Variants in AIG1 observed in about 807,000 individuals in gnomAD.
AIG1 encodes androgen-induced gene 1 protein.
In AIG1, 23 loss-of-function variants were observed where a neutral mutation model predicts 31.4. The ratio of observed to expected loss-of-function variants is 0.73; its 90% confidence interval spans 0.53 to 1.04. The LOEUF (loss-of-function observed/expected upper bound fraction) is 1.04, where lower values mean the gene tolerates loss of function less well. Ranked by LOEUF, AIG1 falls within the 50% of genes least tolerant of loss-of-function variation. The pLI, the probability that AIG1 is intolerant of heterozygous loss-of-function variation, is 0.00. For missense variants in AIG1, 274 were observed against 295.0 expected, an observed-to-expected ratio of 0.93 and a Z score of 0.52; for synonymous variants, 100 against 110.5, an observed-to-expected ratio of 0.90 and a Z score of 0.60.
intron 3 of AIG1, among the ~76,000 whole-genome samples, chr6:143,209,219 C>G (rs1197145924): frequency 6.6e-6 from 1 of 152,160 alleles, no homozygotes; most frequent in African/African-American, 2.4e-5. Context: ...CTGAATTTAC[C>G]AAACATCTAT....
At chr6:143,212,126 A>C (rs1432991433) in intron 3 of AIG1, among the ~76,000 whole-genome samples, 2 of 152,060 alleles carry the variant, frequency 1.3e-5, no homozygotes, top group African/African-American at 4.8e-5. Flanking sequence ...TCTTTCTACA[A>C]TTTGTGACAG....
At chr6:143,283,326 G>A (rs1797473095) in intron 3 of AIG1, among the ~76,000 whole-genome samples, 1 of 152,156 alleles carries the variant, frequency 6.6e-6, no homozygotes, top group Non-Finnish European at 1.5e-5. Flanking sequence ...CAGACATCAT[G>A]TCTAAATTCA....
chr6:143,259,451 C>T lies in AIG1; in HGVS notation c.400-24659C>T, dbSNP rs78072776. 9.5e-3 allele frequency among the ~76,000 whole-genome samples: 1,439 copies of T among 152,266 alleles called. 44 individuals are homozygous for T. Among genetic ancestry groups the T allele is most frequent in the East Asian group, 0.065 (336 of 5,178 alleles). On this transcript the variant is annotated intron_variant, in intron 3 of 5. Coordinates refer to ENST00000357847, the MANE Select transcript of AIG1 (RefSeq NM_016108.4). Reference sequence around the variant, plus strand: ...TGGCTACTTTCTCTACTATGCATTGCGGGCTCATCTCTTCTGCCATCTAGC... The same window carrying T: ...TGGCTACTTTCTCTACTATGCATTGTGGGCTCATCTCTTCTGCCATCTAGC...
chr6:143,302,345 G>T (rs866444698), intron 4 of AIG1, among the ~76,000 whole-genome samples: 2 of 151,470 alleles, frequency 1.3e-5, no homozygotes, highest in African/African-American at 4.9e-5. Context: ...TTAGCATTAG[G>T]TATATCTCCT....
intron 1 of AIG1, among the ~76,000 whole-genome samples, chr6:143,135,690 G>C (rs1783665476): frequency 6.6e-6 from 1 of 152,162 alleles, no homozygotes; most frequent in Admixed American, 6.6e-5. Context: ...GCTATGCTAA[G>C]TGATGGAACT....
In AIG1 at chr6:143,333,872, C is replaced by T. The variant is rs1033148882; in HGVS notation, c.679+427C>T. 6.6e-6 allele frequency among the ~76,000 whole-genome samples: 1 copy of T among 152,150 alleles called. No homozygotes were observed. The highest frequency in any genetic ancestry group is 2.4e-5 in the African/African-American group (1 of 41,456). On this transcript the variant is annotated intron_variant, in intron 5 of 5. Transcript: ENST00000357847. The surrounding 1 kb of genome is among the most constrained non-coding windows in gnomAD (Gnocchi z 4.6). The stretch of plus-strand genomic sequence containing the variant: ...CAGATCTCCACTTTCTATGTGGGTG[C>T]AGTCACCTGGGAGAGGTCTTACTAC...
In AIG1 at chr6:143,313,977, C is replaced by T. The variant is rs535910422; in HGVS notation, c.516-19305C>T. Among the ~76,000 whole-genome samples the T allele has an allele frequency of 2.6e-5, 4 of 151,856 alleles. No individual in the cohort carries two copies. The East Asian group carries it at 5.8e-4, about 22-fold the overall frequency. On this transcript the variant is annotated intron_variant, in intron 4 of 5. Transcript: ENST00000357847. ...GATATTCCCTCTCACAACTCCTATT[C>T]GGCATCATATAGGAAATCCTACTTA... is the stretch of plus-strand genomic sequence containing the variant.
rs562365609 is a variant in AIG1 at position 143,328,492 on chromosome 6, C to T, written c.516-4790C>T. Among the ~76,000 whole-genome samples the T allele has an allele frequency of 7.4e-4, 113 of 152,292 alleles. No individual in the cohort carries two copies. The highest frequency in any genetic ancestry group is 9.9e-4 in the African/African-American group (41 of 41,562). ...GAATAATCCCTGTGTACCCATGGCA[C>T]GCCTACACTTACCCTTTCTTAATTC... is the stretch of plus-strand genomic sequence containing the variant. On this transcript the variant is annotated intron_variant, in intron 4 of 5. Transcript: ENST00000357847. The surrounding 1 kb of genome is among the most constrained non-coding windows in gnomAD (Gnocchi z 4.0).
At chr6:143,173,839 G>A (rs913927518) in intron 3 of AIG1, among the ~76,000 whole-genome samples, 5 of 152,162 alleles carry the variant, frequency 3.3e-5, no homozygotes, top group Admixed American at 3.3e-4. Context: ...TTCATGTACT[G>A]ATGAATAAAA....
chr6:143,293,143 G>A lies in AIG1; in HGVS notation c.515+8918G>A, dbSNP rs560184207. On this transcript the variant is annotated intron_variant, in intron 4 of 5. Coordinates refer to ENST00000357847, the MANE Select transcript of AIG1 (RefSeq NM_016108.4). This position sits in a 1 kb window ranked among gnomAD's most constrained non-coding sequence, Gnocchi z 4.8. ...AGAGCATCTTCCCTTCCTCTTAGGC[G>A]ACAAAATTCCTGAATGCCTGCAGAG... Among the ~76,000 whole-genome samples the A allele has an allele frequency of 6.6e-5, 10 of 152,182 alleles. No homozygotes were observed. Among genetic ancestry groups the A allele is most frequent in the East Asian group, 3.9e-4 (2 of 5,176 alleles).
At chr6:143,086,034 T>C (rs1321822097) in intron 1 of AIG1, among the ~76,000 whole-genome samples, 1 of 152,270 alleles carries the variant, frequency 6.6e-6, no homozygotes, top group East Asian at 1.9e-4. Context: ...AGAATAGTTC[T>C]GAACTGGTGA....
At chr6:143,166,837 A>G (rs950513593) in intron 3 of AIG1, among the ~76,000 whole-genome samples, 2 of 152,302 alleles carry the variant, frequency 1.3e-5, no homozygotes, top group Admixed American at 1.3e-4. Flanking sequence ...AATCTCAGAA[A>G]CCTTATATAA....
intron 1 of AIG1, among the ~76,000 whole-genome samples, chr6:143,076,132 G>A (rs1777707560): frequency 6.6e-6 from 1 of 152,068 alleles, no homozygotes; most frequent in South Asian, 2.1e-4. Context: ...TTGTTTTCTG[G>A]GTCTCTCATT....
chr6:143,061,313 A>G (rs1380002627), intron 1 of AIG1: 3 of 631,498 alleles, frequency 4.8e-6, no homozygotes, highest in South Asian at 1.5e-5. Context: ...CTGGGGGACA[A>G]ATGGAGGTGG....
chr6:143,247,292 C>T (rs1794687389), intron 3 of AIG1, among the ~76,000 whole-genome samples: 1 of 152,186 alleles, frequency 6.6e-6, no homozygotes, highest in African/African-American at 2.4e-5. Context: ...CCACCATGCC[C>T]AGCTAATTTT....
At position 143,299,075 on chromosome 6, in the gene AIG1, C is replaced by G. The variant is rs72996196; in HGVS notation, c.515+14850C>G. Reference sequence around the variant, plus strand: ...ATCTTGAGTGCCACTGCTTTCATACCTGAGGAGGATGGCTGAAAAGAACTT... The same window carrying G: ...ATCTTGAGTGCCACTGCTTTCATACGTGAGGAGGATGGCTGAAAAGAACTT... On this transcript the variant is annotated intron_variant, in intron 4 of 5. Transcript: ENST00000357847. The surrounding 1 kb of genome is among the most constrained non-coding windows in gnomAD (Gnocchi z 4.1). 0.13 allele frequency: 20,264 copies of G among 152,068 alleles called. 1,583 individuals carry two copies. The highest frequency in any genetic ancestry group is 0.36 in the East Asian group (1,838 of 5,152). The allele number at this position is 152,068 out of a possible 1,614,324, so 9.4% of individuals were successfully genotyped here. A position where few individuals can be genotyped will look rare whatever the true frequency, so the allele number is the denominator to read the frequency against.
chr6:143,075,797 A>T (rs1562348443), intron 1 of AIG1, among the ~76,000 whole-genome samples: 1 of 152,180 alleles, frequency 6.6e-6, no homozygotes, highest in Non-Finnish European at 1.5e-5. Context: ...GCTTTAATAC[A>T]TCTTATTTTC....
chr6:143,182,884 A>C (rs1303593831), intron 3 of AIG1, among the ~76,000 whole-genome samples: 1 of 152,180 alleles, frequency 6.6e-6, no homozygotes, highest in African/African-American at 2.4e-5. Context: ...CCCCTTCATA[A>C]TAGTTGACAG....
At position 143,299,746 on chromosome 6, in the gene AIG1, C is replaced by T. The variant is rs1017342740; in HGVS notation, c.515+15521C>T. ...CTTCTCAGAACGCCACACATCAGCTCTGCTAAACTGCTTGTAGTTCCACGA... is the reference window on the plus strand; with the variant it reads ...CTTCTCAGAACGCCACACATCAGCTTTGCTAAACTGCTTGTAGTTCCACGA... On this transcript the variant is annotated intron_variant, in intron 4 of 5. Transcript: ENST00000357847. The surrounding 1 kb of genome is among the most constrained non-coding windows in gnomAD (Gnocchi z 4.1). Among the ~76,000 whole-genome samples the T allele has an allele frequency of 6.6e-6, 1 of 152,190 alleles. No individual in the cohort carries two copies. Among genetic ancestry groups the T allele is most frequent in the Non-Finnish European group, 1.5e-5 (1 of 68,044 alleles).
Sources: gnomAD v4.1 joint callset for allele counts (sites outside exome capture counted in the v4.1 genomes callset) on GRCh38, gnomAD v4.1.1 for gene constraint, Gnocchi (gnomAD v3.1) non-coding constraint, MANE v1.5 for transcripts, NCBI Gene and HGNC (gene_info 2026-07-23, HGNC 2026-07-21) for gene names.